GEMIN7: variants seen among roughly 807,000 people sequenced by gnomAD.
GEMIN7 encodes gem-associated protein 7.
Under a neutral mutation model 7.8 loss-of-function variants are expected in GEMIN7, and 7 were observed. The ratio of observed to expected loss-of-function variants is 0.90; its 90% confidence interval spans 0.51 to 1.69. The LOEUF is 1.69. Ranked by LOEUF, GEMIN7 falls within the 40% of genes most tolerant of loss-of-function variation. The pLI, the probability that GEMIN7 is intolerant of heterozygous loss-of-function variation, is 0.00. For synonymous variants in GEMIN7, 68 were observed against 72.4 expected, an observed-to-expected ratio of 0.94 and a Z score of 0.31; for missense variants, 159 against 176.2, an observed-to-expected ratio of 0.90 and a Z score of 0.55.
At chr19:45,081,361 C>T (rs1189699353) in intron 2 of GEMIN7, among the ~76,000 whole-genome samples, 1 of 151,304 alleles carries the variant, frequency 6.6e-6, no homozygotes, top group African/African-American at 2.4e-5. Flanking sequence ...GAGGCTGAGG[C>T]AGGAGAATTG....
At chr19:45,088,947 T>TC (rs1568433408) in intron 2 of GEMIN7, among the ~76,000 whole-genome samples, 1 of 151,180 alleles carries the variant, frequency 6.6e-6, no homozygotes, top group Non-Finnish European at 1.5e-5. Flanking sequence ...TTTTTTTTTT[T>TC]TTTCTTTTTT....
At chr19:45,084,171 A>G (rs1967598000) in intron 2 of GEMIN7, among the ~76,000 whole-genome samples, 2 of 143,212 alleles carry the variant, frequency 1.4e-5, no homozygotes, top group Non-Finnish European at 3.0e-5. Flanking sequence ...AGATCGCGCC[A>G]CTGCACTCCT....
At chr19:45,087,318 T>A (rs1051039411) in intron 2 of GEMIN7, among the ~76,000 whole-genome samples, 2 of 152,190 alleles carry the variant, frequency 1.3e-5, no homozygotes, top group Non-Finnish European at 2.9e-5. Flanking sequence ...CTGATTTTTG[T>A]ATTTTAGTAC....
intron 2 of GEMIN7, among the ~76,000 whole-genome samples, chr19:45,086,342 A>G (rs1967687074): frequency 6.6e-6 from 1 of 152,048 alleles, no homozygotes; most frequent in African/African-American, 2.4e-5. Flanking sequence ...GGTACCCAAC[A>G]CTTGTCACTC....
At chr19:45,085,663 A>T (rs1337080434) in intron 2 of GEMIN7, 1 of 152,102 alleles carries the variant, frequency 6.6e-6, no homozygotes, top group East Asian at 1.9e-4. Context: ...AGGACAAGTT[A>T]GTCCAGGCAC....
At chr19:45,076,233 C>T (rs893873599), upstream of GEMIN7, 7 of 1,508,402 alleles carry the variant, frequency 4.6e-6, no homozygotes, top group African/African-American at 8.7e-5. This position sits in a 1 kb window ranked among gnomAD's most constrained non-coding sequence, Gnocchi z 4.9. Flanking sequence ...AGGGCCCCAG[C>T]CTTGGGGCCT....
chr19:45,080,618 A>C (rs1242755109), intron 2 of GEMIN7, among the ~76,000 whole-genome samples: 1 of 152,070 alleles, frequency 6.6e-6, no homozygotes, highest in East Asian at 1.9e-4. Flanking sequence ...ACATCAGGTG[A>C]TCTGCCTCCC....
intron 2 of GEMIN7, among the ~76,000 whole-genome samples, chr19:45,086,331 G>T (rs1446638510): frequency 6.6e-6 from 1 of 152,142 alleles, no homozygotes; most frequent in Middle Eastern, 3.4e-3. Flanking sequence ...CCAGGGTCTT[G>T]GGTACCCAAC....
upstream of GEMIN7, chr19:45,076,731 A>AC: frequency 4.6e-6 from 1 of 217,268 alleles, no homozygotes; most frequent in Non-Finnish European, 9.1e-6. The surrounding 1 kb of genome is among the most constrained non-coding windows in gnomAD (Gnocchi z 4.9). Flanking sequence ...GCCCACACGC[A>AC]CCCCCAAGCG....
chr19:45,078,772 C>T (rs1257814874), upstream of GEMIN7, among the ~76,000 whole-genome samples: 1 of 152,130 alleles, frequency 6.6e-6, no homozygotes, highest in Non-Finnish European at 1.5e-5. Context: ...CATTCAAGGC[C>T]TCAGTTTCCC....
chr19:45,088,490 T>C (rs1967777342), intron 2 of GEMIN7: 1 of 152,010 alleles, frequency 6.6e-6, no homozygotes, highest in Non-Finnish European at 1.5e-5. Flanking sequence ...CAAGCCTGGC[T>C]AATGTTTTTT....
rs141701997 is a variant in GEMIN7, at chr19:45,083,883, G to A, written c.-9+3854G>A. On this transcript the variant is annotated intron_variant, in intron 2 of 2. Transcript: ENST00000270257. Reference sequence around the variant, plus strand: ...CAAAGTTCTGGAATTACAGGTGTGAGCCACCTCGTGCCCAGCTGCTTCTTG... The same window carrying A: ...CAAAGTTCTGGAATTACAGGTGTGAACCACCTCGTGCCCAGCTGCTTCTTG... Among the ~76,000 whole-genome samples, 28 of 151,954 alleles carry A rather than the reference G, an allele frequency of 1.8e-4. No individual in the cohort carries two copies. In the East Asian group the frequency reaches 5.1e-3, roughly 28 times the overall value.
intron 2 of GEMIN7, among the ~76,000 whole-genome samples, chr19:45,086,906 G>C (rs1374647204): frequency 1.3e-5 from 2 of 152,012 alleles, no homozygotes; most frequent in Admixed American, 6.5e-5. Flanking sequence ...GAGTGCAGTG[G>C]CGAGATCTCC....
rs751360084 is a variant in GEMIN7 at position 45,090,483 on chromosome 19, C to T, written c.369C>T (p.Asp123=). The T allele has an allele frequency of 1.9e-6, 3 of 1,611,380 alleles. No homozygotes were observed. The South Asian group carries it at 3.3e-5, about 18-fold the overall frequency. Residue 123 remains aspartate (D), a synonymous_variant, in exon 3 of 3, where the codon GAC becomes GAT. Coordinates refer to ENST00000270257, the MANE Select transcript of GEMIN7 (RefSeq NM_024707.3). ...VQAEALLRCS[D]IISYTFKP is the part of the protein sequence containing the mutation. ...CAGAGGCGCTGCTCCGATGTAGTGA[C>T]ATTATTTCATATACCTTCAAGCCAT... is the stretch of plus-strand genomic sequence containing the variant.
intron 2 of GEMIN7, among the ~76,000 whole-genome samples, chr19:45,089,636 A>C (rs954721422): frequency 6.6e-6 from 1 of 152,146 alleles, no homozygotes. Flanking sequence ...TCCTGGGCTC[A>C]ACTAATCCTT....
At chr19:45,075,939 C>T (rs1406385841), upstream of GEMIN7, 3 of 1,593,924 alleles carry the variant, frequency 1.9e-6, no homozygotes, top group Non-Finnish European at 2.6e-6. Flanking sequence ...GAGGGGAAAC[C>T]GAAGGTCAGA....
upstream of GEMIN7, chr19:45,076,681 C>T (rs1349431475): frequency 7.4e-6 from 2 of 269,100 alleles, no homozygotes; most frequent in Non-Finnish European, 1.4e-5. This position sits in a 1 kb window ranked among gnomAD's most constrained non-coding sequence, Gnocchi z 4.9. Flanking sequence ...ACAGCTATCC[C>T]TGATCCCGTT....
chr19:45,076,499 C>T (rs1316304809), upstream of GEMIN7: 1 of 670,436 alleles, frequency 1.5e-6, no homozygotes, highest in African/African-American at 1.9e-5. The surrounding 1 kb of genome is among the most constrained non-coding windows in gnomAD (Gnocchi z 4.9). Context: ...GCCGCGAACT[C>T]TTACACGTGC....
chr19:45,088,964 CAG>C (rs1456306786), intron 2 of GEMIN7, among the ~76,000 whole-genome samples: 6 of 144,578 alleles, frequency 4.2e-5, no homozygotes, highest in African/African-American at 1.3e-4. Flanking sequence ...TTTTTTGACA[CAG>C]AGTCTCACTC....
Sources: gnomAD v4.1 joint callset for allele counts (sites outside exome capture counted in the v4.1 genomes callset) on GRCh38, gnomAD v4.1.1 for gene constraint, Gnocchi (gnomAD v3.1) non-coding constraint, MANE v1.5 for transcripts, NCBI Gene and HGNC (gene_info 2026-07-23, HGNC 2026-07-21) for gene names.